Variants in RFX3 observed in about 807,000 individuals in gnomAD.
The protein encoded by RFX3 is transcription factor RFX3.
RFX3 carries 14 observed loss-of-function variants against 98.6 expected under a neutral mutation model. The observed-to-expected ratio is 0.14, with a 90% confidence interval of 0.09 to 0.22. The LOEUF (loss-of-function observed/expected upper bound fraction) is 0.22, where lower values mean the gene tolerates loss of function less well. Ranked by LOEUF, RFX3 falls within the 10% of genes least tolerant of loss-of-function variation. The probability of loss-of-function intolerance (pLI) is 1.00; values close to 1 mark genes in which losing one functional copy is unlikely to be tolerated. For missense variants in RFX3, 639 were observed against 926.9 expected (o/e 0.69, Z 4.03); for synonymous variants, 383 against 328.4 (o/e 1.17, Z -1.80).
intron 1 of RFX3, among the ~76,000 whole-genome samples, chr9:3,459,825 T>C (rs769885611): frequency 5.9e-5 from 9 of 152,110 alleles, no homozygotes; most frequent in Non-Finnish European, 8.8e-5. Context: ...GAAGGTAGAA[T>C]TTAAAAGAGG....
At chr9:3,454,754 T>A (rs1281407404) in intron 1 of RFX3, among the ~76,000 whole-genome samples, 2 of 152,216 alleles carry the variant, frequency 1.3e-5, no homozygotes, top group Non-Finnish European at 2.9e-5. Context: ...CCACAAATCT[T>A]TCATTTTATA....
intron 1 of RFX3, among the ~76,000 whole-genome samples, chr9:3,416,600 C>T (rs527862563): frequency 3.9e-5 from 6 of 152,222 alleles, no homozygotes; most frequent in Admixed American, 3.3e-4. Context: ...TCCCATTGTC[C>T]CTGGTGCTGT....
intron 2 of RFX3, among the ~76,000 whole-genome samples, chr9:3,350,456 C>A (rs1390965977): frequency 6.6e-6 from 1 of 152,102 alleles, no homozygotes; most frequent in Admixed American, 6.6e-5. Flanking sequence ...AACTCTCATT[C>A]ATTGTTGGGA....
chr9:3,251,186 G>A (rs1266483333), intron 14 of RFX3, among the ~76,000 whole-genome samples: 2 of 152,078 alleles, frequency 1.3e-5, no homozygotes, highest in Non-Finnish European at 2.9e-5. Flanking sequence ...AAATGCTTAA[G>A]ATATAATTGC....
chr9:3,504,322 T>A (rs1816452870), intron 1 of RFX3, among the ~76,000 whole-genome samples: 1 of 117,418 alleles, frequency 8.5e-6, no homozygotes, highest in South Asian at 2.5e-4. Context: ...ATATATTATA[T>A]ATAAAATATA....
At chr9:3,410,755 CT>C (rs1587562684) in intron 1 of RFX3, among the ~76,000 whole-genome samples, 1 of 152,294 alleles carries the variant, frequency 6.6e-6, no homozygotes, top group East Asian at 1.9e-4. Context: ...TTCCAATTAC[CT>C]CTTTACATAT....
At chr9:3,481,052 T>C (rs559206296) in intron 1 of RFX3, among the ~76,000 whole-genome samples, 2 of 152,294 alleles carry the variant, frequency 1.3e-5, no homozygotes, top group Non-Finnish European at 2.9e-5. Context: ...TGAAGAATAA[T>C]AACACTAACT....
In RFX3 at chr9:3,377,912, T is replaced by C. The variant is rs1252129401; in HGVS notation, c.117+17560A>G. Among the ~76,000 whole-genome samples, 5 of 152,174 alleles carry C rather than the reference T, an allele frequency of 3.3e-5. No homozygotes were observed. The East Asian group carries it at 9.6e-4, about 29-fold the overall frequency. ...GTAGTTTCTGAATTTTTTTATTATG[T>C]TTGCTTCTTAGTTAAAAATATTTAC... On this transcript the variant is annotated intron_variant, in intron 2 of 16. Transcript: ENST00000617270.
chr9:3,501,386 G>A (rs550871643), intron 1 of RFX3, among the ~76,000 whole-genome samples: 1 of 151,844 alleles, frequency 6.6e-6, no homozygotes, highest in East Asian at 1.9e-4. Flanking sequence ...CTGTACACAT[G>A]TATTACCAAG....
chr9:3,330,552 T>C, intron 3 of RFX3, 35 bp from the exon 4 acceptor site: 1 of 1,563,356 alleles, frequency 6.4e-7, no homozygotes, highest in Non-Finnish European at 8.7e-7. Context: ...ATTTACTAGC[T>C]TATTTATGTC....
chr9:3,328,762 C>T (rs902355437), intron 4 of RFX3, among the ~76,000 whole-genome samples: 9 of 151,974 alleles, frequency 5.9e-5, no homozygotes, highest in Non-Finnish European at 8.8e-5. Context: ...AAAGTACTTA[C>T]CAAGCACATA....
At position 3,221,195 on chromosome 9, in the gene RFX3, T is replaced by C. The variant is rs926818180; in HGVS notation, c.*3847A>G. 2.6e-5 allele frequency: 4 copies of C among 152,122 alleles called. No homozygotes were observed. The highest frequency in any genetic ancestry group is 4.4e-5 in the Non-Finnish European group (3 of 68,002). The allele number at this position is 152,122 out of a possible 1,614,324, so 9.4% of individuals were successfully genotyped here. On this transcript the variant is annotated 3_prime_UTR_variant, in exon 17 of 17. Coordinates refer to ENST00000617270, the MANE Select transcript of RFX3 (RefSeq NM_001282116.2). ...CATCACAGTGACACTATTTTTTTTT[T>C]CCTTTTACACTAATGTTTCAAGCAC...
intron 4 of RFX3, among the ~76,000 whole-genome samples, chr9:3,314,163 C>A (rs1483030185): frequency 6.6e-6 from 1 of 152,230 alleles, no homozygotes; most frequent in Admixed American, 6.5e-5. Context: ...ATCAGACTAA[C>A]AGCGGATCTC....
At chr9:3,474,198 C>G (rs1163074320) in intron 1 of RFX3, among the ~76,000 whole-genome samples, 1 of 152,146 alleles carries the variant, frequency 6.6e-6, no homozygotes, top group Non-Finnish European at 1.5e-5. Flanking sequence ...TTATATAAGA[C>G]TTGCAGTTCC....
intron 9 of RFX3, among the ~76,000 whole-genome samples, chr9:3,271,808 T>C (rs565239458): frequency 6.6e-6 from 1 of 152,256 alleles, no homozygotes; most frequent in South Asian, 2.1e-4. Flanking sequence ...TTCCACTGTG[T>C]TCCCAGCCAA....
At chr9:3,449,121 T>C (rs1030145953) in intron 1 of RFX3, among the ~76,000 whole-genome samples, 1 of 152,166 alleles carries the variant, frequency 6.6e-6, no homozygotes, top group Non-Finnish European at 1.5e-5. Flanking sequence ...TTGTTGCTAA[T>C]AATACCCTCC....
At chr9:3,483,663 G>T (rs1232303276) in intron 1 of RFX3, among the ~76,000 whole-genome samples, 1 of 152,094 alleles carries the variant, frequency 6.6e-6, no homozygotes, top group Non-Finnish European at 1.5e-5. Context: ...AGATATCCAG[G>T]TATATGCTTT....
intron 1 of RFX3, among the ~76,000 whole-genome samples, chr9:3,473,215 T>C (rs149384373): frequency 6.6e-6 from 1 of 152,320 alleles, no homozygotes; most frequent in African/African-American, 2.4e-5. Context: ...GGGCAAAAGC[T>C]GCAGTCTTAG....
intron 4 of RFX3, among the ~76,000 whole-genome samples, chr9:3,326,037 C>G (rs925807780): frequency 6.6e-6 from 1 of 152,052 alleles, no homozygotes; most frequent in Non-Finnish European, 1.5e-5. Flanking sequence ...CTTAGCTGAA[C>G]CCATATCCAG....
Sources: gnomAD v4.1 joint callset for allele counts (sites outside exome capture counted in the v4.1 genomes callset) on GRCh38, gnomAD v4.1.1 for gene constraint, MANE v1.5 for transcripts, NCBI Gene and HGNC (gene_info 2026-07-23, HGNC 2026-07-21) for gene names.